RGS6: variants seen among roughly 807,000 people sequenced by gnomAD.
The protein encoded by RGS6 is regulator of G-protein signaling 6.
In RGS6, 30 loss-of-function variants were observed where a neutral mutation model predicts 78.5. The ratio of observed to expected loss-of-function variants is 0.38; its 90% CI spans 0.29 to 0.52. The LOEUF (loss-of-function observed/expected upper bound fraction) is 0.52, where lower values mean the gene tolerates loss of function less well. RGS6 is among the 20% of genes least tolerant of loss of function. The pLI is 0.85. For synonymous variants in RGS6, 206 were observed against 206.0 expected (o/e 1.00, Z 0.00); for missense variants, 495 against 609.7 (o/e 0.81, Z 1.98).
intron 15 of RGS6, among the ~76,000 whole-genome samples, chr14:72,532,565 G>A (rs1394699379): frequency 6.6e-6 from 1 of 152,232 alleles, no homozygotes; most frequent in Non-Finnish European, 1.5e-5. Context: ...AGCCAAGATA[G>A]GCTGAAAGCT....
intron 3 of RGS6, among the ~76,000 whole-genome samples, chr14:72,403,203 G>C (rs2092625141): frequency 6.6e-6 from 1 of 152,122 alleles, no homozygotes; most frequent in African/African-American, 2.4e-5. Flanking sequence ...ATCAACCTAA[G>C]TGTCCATCGA....
intron 17 of RGS6, chr14:72,541,234 G>A (rs1377268413): frequency 1.1e-5 from 16 of 1,444,624 alleles, no homozygotes; most frequent in Non-Finnish European, 1.5e-5. Flanking sequence ...ACTACTGTGT[G>A]ACTGGTATAC....
chr14:72,458,492 A>T, intron 5 of RGS6, 115 bp downstream of exon 5: 1 of 754,756 alleles, frequency 1.3e-6, no homozygotes, highest in Non-Finnish European at 2.2e-6. Context: ...CTCACTCCTC[A>T]TCAGCACTGG....
At chr14:72,463,212 C>T (rs1000848081) in intron 6 of RGS6, among the ~76,000 whole-genome samples, 7 of 152,108 alleles carry the variant, frequency 4.6e-5, no homozygotes, top group East Asian at 1.9e-4. Flanking sequence ...AGAAATTTTT[C>T]GGTAAGAAAT....
intron 14 of RGS6, among the ~76,000 whole-genome samples, chr14:72,517,572 T>TG (rs1229139796): frequency 6.6e-6 from 1 of 152,248 alleles, no homozygotes; most frequent in Admixed American, 6.5e-5. Context: ...AGAACCATTC[T>TG]GCAGAGAAGT....
At chr14:72,326,171 A>G (rs2073709485) in intron 2 of RGS6, among the ~76,000 whole-genome samples, 1 of 152,218 alleles carries the variant, frequency 6.6e-6, no homozygotes, top group South Asian at 2.1e-4. Flanking sequence ...TGGCCAATAT[A>G]CATTCATTAC....
the RGS6 span, among the ~76,000 whole-genome samples, chr14:71,914,525 C>T: frequency 9.8e-5 from 15 of 152,298 alleles, no homozygotes; most frequent in African/African-American, 3.4e-4. Context: ...TCATCTCCAG[C>T]TTGCCTTTAA....
chr14:72,184,471 GA>G (rs972356520), intron 2 of RGS6, among the ~76,000 whole-genome samples: 39 of 151,584 alleles, frequency 2.6e-4, no homozygotes, highest in Admixed American at 2.2e-3. Flanking sequence ...GGGAAACCAT[GA>G]AAATGGTATC....
intron 11 of RGS6, 138 bp from the exon 12 acceptor site, chr14:72,478,130 C>A: frequency 1.6e-6 from 1 of 641,846 alleles, no homozygotes; most frequent in Non-Finnish European, 2.8e-6. Flanking sequence ...TGCTGGAGGG[C>A]AGAGCTGAGG....
At chr14:72,624,292 C>T in the RGS6 span, among the ~76,000 whole-genome samples, 1 of 149,668 alleles carries the variant, frequency 6.7e-6, no homozygotes, top group Non-Finnish European at 1.5e-5. Context: ...AACTAATCTA[C>T]AGACTTTATT....
At chr14:72,016,231 G>A (rs2086939839) in intron 2 of RGS6, among the ~76,000 whole-genome samples, 3 of 152,054 alleles carry the variant, frequency 2.0e-5, no homozygotes, top group Admixed American at 2.0e-4. Flanking sequence ...TGTAACATTG[G>A]AATCCACTTT....
intron 2 of RGS6, among the ~76,000 whole-genome samples, chr14:72,269,383 T>G (rs957659397): frequency 6.6e-6 from 1 of 152,110 alleles, no homozygotes; most frequent in Non-Finnish European, 1.5e-5. Flanking sequence ...TCTCTGGCCT[T>G]CCTTTCTCAC....
the RGS6 span, among the ~76,000 whole-genome samples, chr14:72,621,986 T>A: frequency 2.6e-5 from 4 of 152,070 alleles, no homozygotes; most frequent in African/African-American, 9.7e-5. Context: ...AGGAGAGAAG[T>A]CTGGGCCTGA....
chr14:71,962,708 T>TA (rs2093287407), intron 1 of RGS6, among the ~76,000 whole-genome samples: 2 of 152,322 alleles, frequency 1.3e-5, no homozygotes, highest in South Asian at 4.1e-4. Flanking sequence ...AATCTAATTT[T>TA]AAAAAACATT....
intron 2 of RGS6, among the ~76,000 whole-genome samples, chr14:72,105,390 G>C (rs1275186429): frequency 6.6e-6 from 1 of 152,184 alleles, no homozygotes; most frequent in African/African-American, 2.4e-5. Context: ...TGAGGGCAAG[G>C]ATCATGTTCT....
At chr14:72,404,400 A>G (rs866976859) in intron 3 of RGS6, among the ~76,000 whole-genome samples, 2 of 152,142 alleles carry the variant, frequency 1.3e-5, no homozygotes, top group South Asian at 4.1e-4. Context: ...GCCAGAACCC[A>G]ATGTCCCATC....
chr14:72,590,797 C>A, the RGS6 span, among the ~76,000 whole-genome samples: 1 of 152,086 alleles, frequency 6.6e-6, no homozygotes, highest in African/African-American at 2.4e-5. Context: ...GGTAAACCCA[C>A]GTCAGGTGGA....
the RGS6 span, among the ~76,000 whole-genome samples, chr14:71,893,471 T>C: frequency 6.6e-6 from 1 of 152,148 alleles, no homozygotes. Context: ...CTCTAGAATA[T>C]TACCACATTT....
chr14:72,352,558 A>T (rs1253765001), intron 3 of RGS6, among the ~76,000 whole-genome samples: 1 of 152,198 alleles, frequency 6.6e-6, no homozygotes, highest in Non-Finnish European at 1.5e-5. Flanking sequence ...ATTCTACAAA[A>T]TGCTTTTATT....
Sources: allele counts gnomAD v4.1 joint callset (sites outside exome capture counted in the v4.1 genomes callset), GRCh38; gene constraint gnomAD v4.1.1; transcripts MANE v1.5; gene names NCBI Gene and HGNC (gene_info 2026-07-23, HGNC 2026-07-21).